LRP8: variants seen among roughly 807,000 people sequenced by gnomAD.
The protein encoded by LRP8 is LDL receptor related protein 8.
Under a neutral mutation model 111.6 loss-of-function variants are expected in LRP8, and 46 were observed. That is an observed-to-expected ratio of 0.41 (90% CI 0.33 to 0.53). The LOEUF (loss-of-function observed/expected upper bound fraction) is 0.53. LRP8 is among the 20% of genes least tolerant of loss of function. The pLI, the probability that LRP8 is intolerant of heterozygous loss-of-function variation, is 0.20. For synonymous variants in LRP8, 464 were observed against 511.2 expected (o/e 0.91, Z 1.24); for missense variants, 959 against 1,297.4 (o/e 0.74, Z 4.01).
intron 6 of LRP8, chr1:53,274,764 C>A: frequency 2.2e-6 from 1 of 456,318 alleles, no homozygotes; most frequent in Non-Finnish European, 4.4e-6. Context: ...ACTTTCCCGC[C>A]GTCCACGCGC....
intron 2 of LRP8, among the ~76,000 whole-genome samples, chr1:53,307,718 C>T (rs1188304738): frequency 2.6e-5 from 4 of 152,244 alleles, no homozygotes; most frequent in Non-Finnish European, 5.9e-5. Flanking sequence ...CTTGCCTCTC[C>T]CATGACAGCC....
Position 53,317,685 on chromosome 1 carries a change from G to C in LRP8, c.244+9188C>G, listed in dbSNP as rs544517744. ...CGCTCATTTTCAGGGCCAGGCTCTG[G>C]GCAAAGTACTTTCCTCAGCCCGCAC... On this transcript the variant is annotated intron_variant, in intron 2 of 18. Transcript: ENST00000306052. This position sits in a 1 kb window ranked among gnomAD's most constrained non-coding sequence, Gnocchi z 4.9. Among the ~76,000 whole-genome samples the C allele has an allele frequency of 9.1e-4, 138 of 152,294 alleles. No homozygotes were observed. Among genetic ancestry groups the C allele is most frequent in the African/African-American group, 3.1e-3 (130 of 41,556 alleles).
rs1645707922 is a variant in LRP8 at position 53,245,609 on chromosome 1, C to CAATAT, written c.*1404_*1408dup. On this transcript the variant is annotated 3_prime_UTR_variant, in exon 19 of 19. Transcript: ENST00000306052. ...AAATTCCTGTGTGAACATAAATATC[C>CAATAT]AATATAATATAATATTGCGTATGCC... 6.6e-6 allele frequency: 1 copy of CAATAT among 152,260 alleles called. No individual in the cohort carries two copies. The highest frequency in any genetic ancestry group is 2.1e-4 in the South Asian group (1 of 4,830). 9.4% of individuals were successfully genotyped at this position (152,260 alleles called of 1,614,324 possible).
At chr1:53,319,836 C>T (rs1654271184) in intron 2 of LRP8, among the ~76,000 whole-genome samples, 1 of 152,244 alleles carries the variant, frequency 6.6e-6, no homozygotes, top group Non-Finnish European at 1.5e-5. Context: ...TTGGCACACC[C>T]ACTAGCAGGT....
At position 53,249,538 on chromosome 1, in the gene LRP8, G is replaced by A. The variant is rs992652546; in HGVS notation, c.2695C>T (p.Arg899Cys). 5.6e-6 allele frequency: 9 copies of A among 1,605,450 alleles called. No homozygotes were observed. Among genetic ancestry groups the A allele is most frequent in the South Asian group, 1.1e-5 (1 of 89,976 alleles). ...AGACAGGGCTCTGCCCACAGTGGGC[G>A]ATCAAAGCTGCTGATTGCCTGACAG... Reference protein sequence around the residue: ...VYPAAISSFDRPLWAEPCLGE... With the variant: ...VYPAAISSFDCPLWAEPCLGE... The change falls in exon 18 of 19, where the codon CGC (arginine) becomes TGC (cysteine). Residue 899 changes from arginine (R) to cysteine (C), a missense_variant. Arg to Cys is a radical substitution (Grantham distance 180). Transcript: ENST00000306052. The surrounding 1 kb of genome is among the most constrained non-coding windows in gnomAD (Gnocchi z 4.1).
chr1:53,318,018 G>C (rs1654031654), intron 2 of LRP8, among the ~76,000 whole-genome samples: 1 of 152,210 alleles, frequency 6.6e-6, no homozygotes, highest in African/African-American at 2.4e-5. Context: ...CTCCAGCCCT[G>C]AACCCAGCTC....
In LRP8 at chr1:53,249,100, T is replaced by A. The variant is rs775868963; in HGVS notation, c.2853+280A>T. Among the ~76,000 whole-genome samples, 1 of 152,218 alleles carries A rather than the reference T, an allele frequency of 6.6e-6. No homozygotes were observed. The highest frequency in any genetic ancestry group is 1.5e-5 in the Non-Finnish European group (1 of 68,036). On this transcript the variant is annotated intron_variant, in intron 18 of 18. Transcript: ENST00000306052. The surrounding 1 kb of genome is among the most constrained non-coding windows in gnomAD (Gnocchi z 4.1). ...CCGAGGTTAAGGATCCTCAAGGCCA[T>A]CTGCTAACCCTCCTCATTTGCTCCA...
chr1:53,303,859 A>G lies in LRP8; in HGVS notation c.245-14170T>C, dbSNP rs1379615984. On this transcript the variant is annotated intron_variant, in intron 2 of 18. Transcript: ENST00000306052. The surrounding 1 kb of genome is among the most constrained non-coding windows in gnomAD (Gnocchi z 4.3). ...GGACTCAGTCAGCCGTGCTGGCTGG[A>G]GGCTGAACACGTTCCTTCCTCTTGA... 6.6e-6 allele frequency among the ~76,000 whole-genome samples: 1 copy of G among 152,156 alleles called. No homozygotes were observed. Among genetic ancestry groups the G allele is most frequent in the Non-Finnish European group, 1.5e-5 (1 of 68,034 alleles).
intron 2 of LRP8, among the ~76,000 whole-genome samples, chr1:53,316,976 T>C (rs930650781): frequency 3.3e-5 from 5 of 152,058 alleles, no homozygotes; most frequent in African/African-American, 1.2e-4. Context: ...TTAGCGGGTA[T>C]GGGAGAAGAG....
In LRP8 at chr1:53,257,371, G is replaced by A. The variant is rs1328776136; in HGVS notation, c.2303C>T (p.Ser768Phe). ...TRAPGTTVHRSTYQNHSTETP... is the reference protein window; with the variant it reads ...TRAPGTTVHRFTYQNHSTETP... The stretch of plus-strand genomic sequence containing the variant: ...CTCTGTGCTGTGGTTCTGGTAGGTG[G>A]ATCTGTGGACGGTGGTCCCGGGGGC... Residue 768 changes from serine (S) to phenylalanine (F), a missense_variant, in exon 15 of 19, where the codon TCC becomes TTC. By Grantham distance (155) the Ser-to-Phe change is radical. Coordinates refer to ENST00000306052, the MANE Select transcript of LRP8 (RefSeq NM_004631.5). 6.2e-7 allele frequency: 1 copy of A among 1,614,180 alleles called. No homozygotes were observed.
chr1:53,283,413 T>C (rs929164175), intron 3 of LRP8, among the ~76,000 whole-genome samples: 1 of 148,774 alleles, frequency 6.7e-6, no homozygotes, highest in Non-Finnish European at 1.5e-5. Context: ...ATAAGTGGCA[T>C]ACCCGGGCCA....
In LRP8 at chr1:53,327,848, A is replaced by G; in HGVS notation, c.65T>C (p.Leu22Pro). The G allele has an allele frequency of 6.7e-7, 1 of 1,498,450 alleles. No homozygotes were observed. The highest frequency in any genetic ancestry group is 8.9e-7 in the Non-Finnish European group (1 of 1,126,528). The allele number at this position is 1,498,450 out of a possible 1,614,324, so 92.8% of individuals were successfully genotyped here. ...LALLLLLLLL[L>P]LLQLQHLAAA... ...CGCAAGATGCTGGAGCTGCAGCAGC[A>G]GCAGCAGCAGCAGCAGCAGCAGCAG... Residue 22 changes from leucine to proline, a missense_variant, in exon 1 of 19, where the codon CTG becomes CCG. Physicochemically the swap from Leu to Pro is moderately conservative, Grantham distance 98. Coordinates refer to ENST00000306052, the MANE Select transcript of LRP8 (RefSeq NM_004631.5).
rs1457610876 is a variant in LRP8 at position 53,260,561 on chromosome 1, A to T, written c.1959T>A (p.Ser653Arg). 1 of 1,614,172 alleles carries T rather than the reference A, an allele frequency of 6.2e-7. No individual in the cohort carries two copies. Among genetic ancestry groups the T allele is most frequent in the South Asian group, 1.1e-5 (1 of 91,084 alleles). The change falls in exon 13 of 19, where the codon AGT becomes AGA. Residue 653 changes from serine to arginine, a missense_variant. Transcript: ENST00000306052. Reference sequence around the variant, plus strand: ...TTTCCAGGCCATTGAGCCGATTTGCACTGAAAATGGCCTCGTTCTCCAGGT... The same window carrying T: ...TTTCCAGGCCATTGAGCCGATTTGCTCTGAAAATGGCCTCGTTCTCCAGGT... ...WTDLENEAIF[S>R]ANRLNGLEIS...
At chr1:53,323,115 C>A (rs1227360632) in intron 2 of LRP8, among the ~76,000 whole-genome samples, 1 of 152,138 alleles carries the variant, frequency 6.6e-6, no homozygotes, top group African/African-American at 2.4e-5. Context: ...GATGTCATCT[C>A]AAGACAGGGA....
At chr1:53,269,804 C>T in intron 8 of LRP8, among the ~76,000 whole-genome samples, 1 of 152,152 alleles carries the variant, frequency 6.6e-6, no homozygotes, top group East Asian at 1.9e-4. Flanking sequence ...CTGGCTCACC[C>T]ATTAGAATAT....
intron 18 of LRP8, 26 bp from the exon 19 acceptor site, chr1:53,247,082 T>A (rs1206639755): frequency 6.4e-7 from 1 of 1,569,406 alleles, no homozygotes; most frequent in African/African-American, 1.4e-5. Flanking sequence ...AAAGAATTCA[T>A]CATTAGATCC....
intron 6 of LRP8, among the ~76,000 whole-genome samples, chr1:53,274,107 G>A (rs1478107313): frequency 2.0e-5 from 3 of 152,186 alleles, no homozygotes; most frequent in African/African-American, 4.8e-5. Context: ...AGCTGTAGCC[G>A]ACATCAGGGC....
intron 2 of LRP8, among the ~76,000 whole-genome samples, chr1:53,322,767 C>T (rs1287059155): frequency 6.6e-6 from 1 of 152,296 alleles, no homozygotes; most frequent in East Asian, 1.9e-4. Flanking sequence ...GAGCACACGT[C>T]CAGGCCGCAC....
intron 2 of LRP8, among the ~76,000 whole-genome samples, chr1:53,313,600 T>A (rs1028318356): frequency 6.6e-6 from 1 of 152,082 alleles, no homozygotes; most frequent in African/African-American, 2.4e-5. Context: ...CTGGAAATGG[T>A]GACTCCAGAG....
Sources: gnomAD v4.1 joint callset for allele counts (sites outside exome capture counted in the v4.1 genomes callset) on GRCh38, gnomAD v4.1.1 for gene constraint, Gnocchi (gnomAD v3.1) non-coding constraint, MANE v1.5 for transcripts, NCBI Gene and HGNC (gene_info 2026-07-23, HGNC 2026-07-21) for gene names.